The following IFT74 variants were observed in gnomAD, a reference collection of about 807,000 sequenced individuals.
IFT74 encodes intraflagellar transport protein 74 homolog.
A neutral mutation model predicts 96.7 loss-of-function variants in IFT74; 92 were observed. The ratio of observed to expected loss-of-function variants is 0.95; its 90% CI spans 0.80 to 1.13. IFT74 has a LOEUF of 1.13. Among genes scored for constraint, IFT74 ranks in the 50% most tolerant of loss-of-function variants. The probability of loss-of-function intolerance (pLI) is 0.00; values close to 1 mark genes in which losing one functional copy is unlikely to be tolerated. For synonymous variants in IFT74, 223 were observed against 213.2 expected, an observed-to-expected ratio of 1.05 and a Z score of -0.40; for missense variants, 811 against 698.2, an observed-to-expected ratio of 1.16 and a Z score of -1.82.
chr9:27,062,882 GATATTTTAAA>G lies in IFT74; in HGVS notation c.*150_*159del. 1 of 571,314 alleles carries G rather than the reference GATATTTTAAA, an allele frequency of 1.8e-6. No homozygotes were observed. The highest frequency in any genetic ancestry group is 3.3e-5 in the East Asian group (1 of 30,374). The allele number at this position is 571,314 out of a possible 1,614,324, so 35.4% of individuals were successfully genotyped here. A position where few individuals can be genotyped will look rare whatever the true frequency, so the allele number is the denominator to read the frequency against. ...AATTTTTGTGGCCTCTTTTAAGAAT[GATATTTTAAA>G]ATAGTAAATAGTTCAATAAATGGTT... On this transcript the variant is annotated 3_prime_UTR_variant, in exon 20 of 20. Coordinates refer to ENST00000380062, the MANE Select transcript of IFT74 (RefSeq NM_025103.4).
rs1820573638 is a variant in IFT74 at position 27,065,291 on chromosome 9, A to G, written c.*2555A>G. ...TCTTCCTTCCTCTGAGAGCCTTTCC[A>G]CAAATCCAACAAGAATATTCTCTTT... On this transcript the variant is annotated 3_prime_UTR_variant, in exon 20 of 20. Coordinates refer to ENST00000380062, the MANE Select transcript of IFT74 (RefSeq NM_025103.4). Among the ~76,000 whole-genome samples, 2 of 152,174 alleles carry G rather than the reference A, an allele frequency of 1.3e-5. No homozygotes were observed. The highest frequency in any genetic ancestry group is 2.9e-5 in the Non-Finnish European group (2 of 68,002).
chr9:26,986,737 A>G (rs1827656106), intron 6 of IFT74, among the ~76,000 whole-genome samples: 1 of 151,586 alleles, frequency 6.6e-6, no homozygotes, highest in Admixed American at 6.6e-5. Context: ...GTCTTCCTGC[A>G]TCAGCCTCCC....
chr9:26,986,778 A>G (rs774725159), intron 6 of IFT74, among the ~76,000 whole-genome samples: 1 of 151,978 alleles, frequency 6.6e-6, no homozygotes, highest in Non-Finnish European at 1.5e-5. Context: ...GCATGCCAGC[A>G]TGCCTGGCTA....
intron 8 of IFT74, among the ~76,000 whole-genome samples, chr9:27,003,205 GT>G (rs11435056): frequency 6.8e-6 from 1 of 147,548 alleles, no homozygotes; most frequent in Non-Finnish European, 1.5e-5. Flanking sequence ...TTTAGGGTTT[GT>G]TTTTTTTTTA....
At chr9:27,014,683 C>T (rs1330141153) in intron 10 of IFT74, among the ~76,000 whole-genome samples, 3 of 152,160 alleles carry the variant, frequency 2.0e-5, no homozygotes, top group South Asian at 2.1e-4. Flanking sequence ...AGTCTTGGCT[C>T]ACTGCAACCT....
In IFT74 at chr9:27,044,706, T is replaced by C; in HGVS notation, c.1055-36T>C. 3 of 1,311,040 alleles carry C rather than the reference T, an allele frequency of 2.3e-6. No homozygotes were observed. In the East Asian group the frequency reaches 7.0e-5, roughly 30 times the overall value. The allele number at this position is 1,311,040 out of a possible 1,614,324, so 81.2% of individuals were successfully genotyped here. Reference sequence around the variant, plus strand: ...TAATTTAGAGCCCTGTATGTGCAATTTTTGAAATTCATGTTGTATTTTATA... The same window carrying C: ...TAATTTAGAGCCCTGTATGTGCAATCTTTGAAATTCATGTTGTATTTTATA... On this transcript the variant is annotated intron_variant, in intron 13 of 19. Coordinates refer to ENST00000380062, the MANE Select transcript of IFT74 (RefSeq NM_025103.4).
chr9:27,040,040 G>A (rs554600376), intron 13 of IFT74, among the ~76,000 whole-genome samples: 4 of 152,232 alleles, frequency 2.6e-5, no homozygotes, highest in South Asian at 2.1e-4. Flanking sequence ...GTTAGAAGGG[G>A]TTTAGATAAC....
rs957697655 is a variant in IFT74, at chr9:27,064,568, TATG to T, written c.*1835_*1837del. Among the ~76,000 whole-genome samples the T allele has an allele frequency of 6.6e-6, 1 of 152,032 alleles. No homozygotes were observed. The highest frequency in any genetic ancestry group is 1.5e-5 in the Non-Finnish European group (1 of 67,954). ...TCTTTTATACAGTAACAAACAGAGG[TATG>T]ATTGAGCATAGAGTTTAGGCAAGAG... On this transcript the variant is annotated 3_prime_UTR_variant, in exon 20 of 20. Transcript: ENST00000380062.
At chr9:27,012,269 C>T (rs1829119481) in intron 10 of IFT74, among the ~76,000 whole-genome samples, 1 of 152,158 alleles carries the variant, frequency 6.6e-6, no homozygotes, top group African/African-American at 2.4e-5. Flanking sequence ...GTCACTCAGG[C>T]TAGAGTGCGG....
At position 27,063,578 on chromosome 9, in the gene IFT74, C is replaced by A. The variant is rs150786054; in HGVS notation, c.*842C>A. Among the ~76,000 whole-genome samples, 635 of 152,144 alleles carry A rather than the reference C, an allele frequency of 4.2e-3. 6 individuals carry two copies. Among genetic ancestry groups the A allele is most frequent in the African/African-American group, 0.015 (618 of 41,546 alleles). On this transcript the variant is annotated 3_prime_UTR_variant, in exon 20 of 20. Transcript: ENST00000380062. ...TAACTGTAGATGTATCTTCTCTTAT[C>A]GTGCAGGAATGAGTCACCTTGGCCA...
intron 2 of IFT74, among the ~76,000 whole-genome samples, chr9:26,976,334 C>G (rs1390164451): frequency 6.6e-6 from 1 of 152,166 alleles, no homozygotes; most frequent in Non-Finnish European, 1.5e-5. Flanking sequence ...GATTTCTCAG[C>G]AAAGCAAATT....
chr9:27,025,629 C>A (rs1425121720), intron 12 of IFT74, among the ~76,000 whole-genome samples: 1 of 151,982 alleles, frequency 6.6e-6, no homozygotes, highest in Non-Finnish European at 1.5e-5. Context: ...CCTATCAGAT[C>A]AATAGCAGAT....
intron 12 of IFT74, among the ~76,000 whole-genome samples, chr9:27,020,819 T>A (rs1829565553): frequency 6.6e-6 from 1 of 152,010 alleles, no homozygotes; most frequent in Non-Finnish European, 1.5e-5. Context: ...TGGTATTTGG[T>A]TACATGGATA....
intron 4 of IFT74, chr9:26,982,449 G>GTTTT: frequency 9.2e-6 from 2 of 218,536 alleles, no homozygotes; most frequent in African/African-American, 4.1e-5. Context: ...GCTAATTTTT[G>GTTTT]TATTTTTTTT....
intron 2 of IFT74, among the ~76,000 whole-genome samples, chr9:26,973,674 T>A: frequency 6.6e-6 from 1 of 152,216 alleles, no homozygotes; most frequent in African/African-American, 2.4e-5. Flanking sequence ...TTAATAGATC[T>A]TGATGTTTGA....
rs1046006040 is a variant in IFT74 at position 27,053,053 on chromosome 9, C to G, written c.1334-2556C>G. 9.9e-5 allele frequency among the ~76,000 whole-genome samples: 15 copies of G among 151,412 alleles called. No homozygotes were observed. The East Asian group carries it at 2.5e-3, about 26-fold the overall frequency. On this transcript the variant is annotated intron_variant, in intron 16 of 19. Coordinates refer to ENST00000380062, the MANE Select transcript of IFT74 (RefSeq NM_025103.4). ...TAATTTTTTGTATTTTTAGTAGAGA[C>G]GGGGTTTCACCGTGTTAGCCAGGAT...
chr9:27,013,856 G>T (rs1587355227), intron 10 of IFT74, among the ~76,000 whole-genome samples: 2 of 152,268 alleles, frequency 1.3e-5, no homozygotes, highest in Middle Eastern at 3.4e-3. Context: ...GCTTGCAAAA[G>T]AAATGAGTAT....
intron 12 of IFT74, among the ~76,000 whole-genome samples, chr9:27,024,210 A>G (rs1587372351): frequency 6.6e-6 from 1 of 152,216 alleles, no homozygotes; most frequent in African/African-American, 2.4e-5. Context: ...CCAGCATTCA[A>G]GAAAACCAGT....
At chr9:26,951,054 G>C (rs940633977) in intron 1 of IFT74, among the ~76,000 whole-genome samples, 1 of 152,188 alleles carries the variant, frequency 6.6e-6, no homozygotes, top group South Asian at 2.1e-4. Flanking sequence ...ATGCCTGAAG[G>C]CATGAAGGAA....
Sources: gnomAD v4.1 joint callset for allele counts (sites outside exome capture counted in the v4.1 genomes callset) on GRCh38, gnomAD v4.1.1 for gene constraint, MANE v1.5 for transcripts, NCBI Gene and HGNC (gene_info 2026-07-23, HGNC 2026-07-21) for gene names.